The following RASGEF1B variants were observed in gnomAD, a reference collection of about 807,000 sequenced individuals.
The protein encoded by RASGEF1B is RasGEF domain family member 1B.
Under a neutral mutation model 65.7 loss-of-function variants are expected in RASGEF1B, and 30 were observed. The observed-to-expected ratio is 0.46, with a 90% CI of 0.34 to 0.62. The LOEUF (loss-of-function observed/expected upper bound fraction) is 0.62. RASGEF1B is among the 20% of genes least tolerant of loss of function. The pLI, the probability that RASGEF1B is intolerant of heterozygous loss-of-function variation, is 0.01. For missense variants in RASGEF1B, 495 were observed against 580.1 expected (o/e 0.85, Z 1.51); for synonymous variants, 175 against 194.8 (o/e 0.90, Z 0.85).
intron 10 of RASGEF1B, among the ~76,000 whole-genome samples, chr4:81,439,944 A>T (rs1194482092): frequency 6.6e-6 from 1 of 152,176 alleles, no homozygotes; most frequent in African/African-American, 2.4e-5. Context: ...GCATTTATTA[A>T]AGGTGGGGTT....
intron 4 of RASGEF1B, chr4:81,451,053 T>C (rs1237359930): frequency 6.6e-6 from 1 of 152,186 alleles, no homozygotes; most frequent in African/African-American, 2.4e-5. Context: ...TTACAGCATA[T>C]ACTATCCAGG....
chr4:81,434,689 G>T lies in RASGEF1B; in HGVS notation c.1150C>A (p.Leu384Ile). ...FSLLIKDIYF[L>I]NEGCANRLPN... ...AGGCGGTTGGCACAACCCTCATTGA[G>T]GAAATAAATATCTTTGATTAAGAGA... Residue 384 changes from leucine to isoleucine, a missense_variant, in exon 11 of 14, where the codon CTC becomes ATC. By Grantham distance (5) the Leu-to-Ile change is conservative (BLOSUM62 2). Transcript: ENST00000264400. 1 of 1,605,922 alleles carries T rather than the reference G, an allele frequency of 6.2e-7. No individual in the cohort carries two copies. Among genetic ancestry groups the T allele is most frequent in the Non-Finnish European group, 8.5e-7 (1 of 1,172,754 alleles).
chr4:81,445,573 C>A lies in RASGEF1B; in HGVS notation c.881G>T (p.Arg294Leu), dbSNP rs774109685. The A allele has an allele frequency of 1.2e-6, 2 of 1,613,928 alleles. No homozygotes were observed. The highest frequency in any genetic ancestry group is 2.7e-5 in the African/African-American group (2 of 74,930). The change falls in exon 8 of 14, where the codon CGG becomes CTG. Residue 294 changes from arginine (R) to leucine (L), a missense_variant. By Grantham distance (102) the Arg-to-Leu change is moderately radical (BLOSUM62 -2). Transcript: ENST00000264400. Reference sequence around the variant, plus strand: ...GAAGTTGCCAATGTTAAAACACTCCCGAGCTACGTCAATGAAATACTCAAT... The same window carrying A: ...GAAGTTGCCAATGTTAAAACACTCCAGAGCTACGTCAATGAAATACTCAAT... Reference protein sequence around the residue: ...RMIEYFIDVARECFNIGNFNS... With the variant: ...RMIEYFIDVALECFNIGNFNS...
At chr4:81,447,644 C>G in intron 5 of RASGEF1B, 66 bp from the exon 6 acceptor site, 1 of 1,178,492 alleles carries the variant, frequency 8.5e-7, no homozygotes, top group South Asian at 1.2e-5. Flanking sequence ...TGTCAACTCC[C>G]TCTATGACTA....
At chr4:81,441,037 G>T (rs571384571) in intron 9 of RASGEF1B, 108 bp from the exon 10 acceptor site, 35 of 676,604 alleles carry the variant, frequency 5.2e-5, no homozygotes, top group Admixed American at 4.2e-4. Context: ...AATAAGTTAG[G>T]AAACTCAGTA....
At chr4:81,435,765 G>A (rs1159701544) in intron 10 of RASGEF1B, among the ~76,000 whole-genome samples, 5 of 139,676 alleles carry the variant, frequency 3.6e-5, no homozygotes, top group African/African-American at 8.3e-5. Flanking sequence ...GTGAGCCAAC[G>A]CGCCTGGCCT....
intron 6 of RASGEF1B, 121 bp from the exon 7 acceptor site, chr4:81,445,959 CAGAAAG>C: frequency 1.5e-6 from 1 of 683,778 alleles, no homozygotes; most frequent in East Asian, 2.7e-5. Flanking sequence ...TTGAGAACAA[CAGAAAG>C]AGAGAGAGAA....
intron 1 of RASGEF1B, among the ~76,000 whole-genome samples, chr4:81,462,269 A>G (rs1232289907): frequency 1.3e-5 from 2 of 152,212 alleles, no homozygotes; most frequent in Non-Finnish European, 1.5e-5. Flanking sequence ...AGGCTTGTGT[A>G]TTGTTTTTTG....
rs749440670 is a variant in RASGEF1B, at chr4:81,426,801, T to C, written c.*967A>G. 5.3e-5 allele frequency: 8 copies of C among 151,970 alleles called. No homozygotes were observed. The highest frequency in any genetic ancestry group is 1.2e-4 in the Non-Finnish European group (8 of 67,988). The allele number at this position is 151,970 out of a possible 1,614,324, so 9.4% of individuals were successfully genotyped here. A position where few individuals can be genotyped will look rare whatever the true frequency, so the allele number is the denominator to read the frequency against. Reference sequence around the variant, plus strand: ...GTTACCAACAGACTCCCAAAAGTAATGAAAAGTCGATTAAAAAGAAAATTG... The same window carrying C: ...GTTACCAACAGACTCCCAAAAGTAACGAAAAGTCGATTAAAAAGAAAATTG... On this transcript the variant is annotated 3_prime_UTR_variant, in exon 14 of 14. Transcript: ENST00000264400.
At chr4:81,461,858 T>A (rs534319373) in intron 1 of RASGEF1B, among the ~76,000 whole-genome samples, 5 of 152,128 alleles carry the variant, frequency 3.3e-5, no homozygotes, top group African/African-American at 1.2e-4. Context: ...GACCCAGCAA[T>A]GAGGCACATC....
intron 3 of RASGEF1B, among the ~76,000 whole-genome samples, chr4:81,457,249 T>C (rs1055374001): frequency 6.6e-6 from 1 of 152,192 alleles, no homozygotes; most frequent in African/African-American, 2.4e-5. Flanking sequence ...ACTCCTGACC[T>C]CAGGTGATCC....
chr4:81,466,770 A>AAAAAAAAGAAAG (rs748492254), intron 1 of RASGEF1B, among the ~76,000 whole-genome samples: 20 of 36,094 alleles, frequency 5.5e-4, no homozygotes, highest in Admixed American at 1.0e-3. Context: ...AAAAAAAAAA[A>AAAAAAAAGAAAG]AAAGAAAGAA....
chr4:81,428,040 G>C (rs1422076959), intron 13 of RASGEF1B, among the ~76,000 whole-genome samples: 1 of 152,072 alleles, frequency 6.6e-6, no homozygotes, highest in East Asian at 1.9e-4. Flanking sequence ...TCTATATCTT[G>C]CGTAGGTTTA....
At chr4:81,429,681 G>T (rs1020741771) in intron 13 of RASGEF1B, among the ~76,000 whole-genome samples, 1 of 152,236 alleles carries the variant, frequency 6.6e-6, no homozygotes, top group Non-Finnish European at 1.5e-5. Context: ...CGCAAGTGGC[G>T]AGTCGTCGAG....
intron 1 of RASGEF1B, among the ~76,000 whole-genome samples, chr4:81,466,526 G>A (rs751098909): frequency 5.9e-5 from 9 of 152,026 alleles, no homozygotes; most frequent in Non-Finnish European, 1.2e-4. Flanking sequence ...TTGGGAGGCT[G>A]AGGTGGGCAG....
intron 9 of RASGEF1B, 52 bp downstream of exon 9, chr4:81,442,245 C>G (rs375182921): frequency 3.3e-6 from 4 of 1,195,940 alleles, no homozygotes; most frequent in East Asian, 2.3e-5. Context: ...AAAGGAATTC[C>G]ACTTTCCAGG....
chr4:81,449,804 G>A (rs1722184469), intron 4 of RASGEF1B, among the ~76,000 whole-genome samples: 1 of 152,174 alleles, frequency 6.6e-6, no homozygotes, highest in Non-Finnish European at 1.5e-5. Flanking sequence ...CCCAAACGAA[G>A]AGATATTTGC....
Position 81,427,522 on chromosome 4 carries a change from G to A in RASGEF1B, c.*246C>T. ...ATAATGTGCAGAGCCGGGATTTTTA[G>A]AGGATTCTTTCTCAAGTGTCTTCAG... is the stretch of plus-strand genomic sequence containing the variant. On this transcript the variant is annotated 3_prime_UTR_variant, in exon 14 of 14. Coordinates refer to ENST00000264400, the MANE Select transcript of RASGEF1B (RefSeq NM_152545.3). 2 of 459,852 alleles carry A rather than the reference G, an allele frequency of 4.3e-6. No individual in the cohort carries two copies. Among genetic ancestry groups the A allele is most frequent in the Admixed American group, 4.0e-5 (1 of 25,280 alleles). The allele number at this position is 459,852 out of a possible 1,614,324, so 28.5% of individuals were successfully genotyped here.
At chr4:81,454,301 C>A (rs1251054498) in intron 4 of RASGEF1B, 3 of 152,130 alleles carry the variant, frequency 2.0e-5, no homozygotes, top group Non-Finnish European at 4.4e-5. Context: ...TTTCAAAATG[C>A]CAACATTTTA....
Sources: allele counts gnomAD v4.1 joint callset (sites outside exome capture counted in the v4.1 genomes callset), GRCh38; gene constraint gnomAD v4.1.1; transcripts MANE v1.5; gene names NCBI Gene and HGNC (gene_info 2026-07-23, HGNC 2026-07-21).